Variants in LUZP2 observed in about 807,000 individuals in gnomAD.
LUZP2 encodes leucine zipper protein 2.
A neutral mutation model predicts 51.6 loss-of-function variants in LUZP2; 52 were observed. That is an observed-to-expected ratio of 1.01 (90% CI 0.81 to 1.27). The LOEUF (loss-of-function observed/expected upper bound fraction) is 1.27, where lower values mean the gene tolerates loss of function less well. LUZP2 is among the 50% of genes most tolerant of loss of function. The pLI, the probability that LUZP2 is intolerant of heterozygous loss-of-function variation, is 0.00. For synonymous variants in LUZP2, 154 were observed against 137.3 expected (o/e 1.12, Z -0.85); for missense variants, 436 against 395.4 (o/e 1.10, Z -0.87).
At chr11:24,819,022 G>A (rs1350195680) in intron 5 of LUZP2, among the ~76,000 whole-genome samples, 1 of 151,986 alleles carries the variant, frequency 6.6e-6, no homozygotes, top group African/African-American at 2.4e-5. Context: ...TTAATCTTAT[G>A]GTTAATGATA....
At chr11:24,509,980 T>G (rs2133773138) in intron 1 of LUZP2, among the ~76,000 whole-genome samples, 1 of 152,220 alleles carries the variant, frequency 6.6e-6, no homozygotes, top group South Asian at 2.1e-4. Context: ...TACCTGGCAT[T>G]TTTATAGTGT....
chr11:24,856,661 G>T (rs149418388), intron 5 of LUZP2, among the ~76,000 whole-genome samples: 1 of 152,024 alleles, frequency 6.6e-6, no homozygotes, highest in African/African-American at 2.4e-5. Context: ...CAATAGCAAA[G>T]ATATGGGTCA....
chr11:24,599,870 T>C (rs1853563530), intron 1 of LUZP2, among the ~76,000 whole-genome samples: 1 of 152,180 alleles, frequency 6.6e-6, no homozygotes, highest in South Asian at 2.1e-4. Context: ...ATTGCAATTT[T>C]TCACGACTCA....
chr11:25,021,715 T>G (rs998526279), intron 9 of LUZP2, among the ~76,000 whole-genome samples: 1 of 152,038 alleles, frequency 6.6e-6, no homozygotes, highest in Admixed American at 6.6e-5. Flanking sequence ...AAGAGTATCA[T>G]GATCAGCTTT....
intron 1 of LUZP2, among the ~76,000 whole-genome samples, chr11:24,616,123 A>G (rs1854277909): frequency 6.6e-6 from 1 of 151,166 alleles, no homozygotes; most frequent in Non-Finnish European, 1.5e-5. Context: ...ATATAGTTTC[A>G]CCCTTATATA....
At chr11:25,045,738 A>T (rs935709109) in intron 9 of LUZP2, among the ~76,000 whole-genome samples, 1 of 152,166 alleles carries the variant, frequency 6.6e-6, no homozygotes, top group East Asian at 1.9e-4. Flanking sequence ...TTGAGCTTTC[A>T]TAACTGGTTG....
At chr11:24,800,692 T>G (rs1310060227) in intron 5 of LUZP2, among the ~76,000 whole-genome samples, 3 of 152,036 alleles carry the variant, frequency 2.0e-5, no homozygotes, top group Admixed American at 6.6e-5. Flanking sequence ...TGGACAAAAT[T>G]TTTTCTCTGG....
intron 1 of LUZP2, among the ~76,000 whole-genome samples, chr11:24,675,998 T>C (rs9705232): frequency 0.19 from 28,425 of 151,648 alleles, 2,757 homozygotes; most frequent in East Asian, 0.32. Context: ...TTTGTATTTT[T>C]AGTAGAGACG....
intron 9 of LUZP2, among the ~76,000 whole-genome samples, chr11:25,043,972 A>G (rs1858166173): frequency 6.9e-6 from 1 of 145,688 alleles, no homozygotes; most frequent in Non-Finnish European, 1.5e-5. Flanking sequence ...GTCCATATAT[A>G]TCTGATATAT....
intron 10 of LUZP2, 141 bp from the exon 11 acceptor site, chr11:25,077,188 G>T (rs1859333642): frequency 3.1e-6 from 2 of 653,182 alleles, no homozygotes; most frequent in Non-Finnish European, 5.6e-6. Flanking sequence ...GATTATTTTT[G>T]TCCCTAGCTT....
In LUZP2 at chr11:25,044,255, GTGTATATATATATA is replaced by G. The variant is rs768286596; in HGVS notation, c.766-5781_766-5768del. Among the ~76,000 whole-genome samples, 734 of 42,350 alleles carry G rather than the reference GTGTATATATATATA, an allele frequency of 0.017. 25 individuals are homozygous for G. In the East Asian group the frequency reaches 0.19, roughly 11 times the overall value. 27.8% of individuals were successfully genotyped at this position (42,350 alleles called of 152,430 possible). A position where few individuals can be genotyped will look rare whatever the true frequency, so the allele number is the denominator to read the frequency against. Reference sequence around the variant, plus strand: ...TGTGTATGTGTGTGTGTGTGTGTGTGTGTATATATATATATATATATATATATATATATATAGTC... The same window carrying G: ...TGTGTATGTGTGTGTGTGTGTGTGTGTATATATATATATATATATATAGTC... On this transcript the variant is annotated intron_variant, in intron 9 of 11. Transcript: ENST00000336930.
intron 1 of LUZP2, among the ~76,000 whole-genome samples, chr11:24,500,602 G>C (rs1416313913): frequency 6.6e-6 from 1 of 152,154 alleles, no homozygotes; most frequent in Non-Finnish European, 1.5e-5. Flanking sequence ...GCTGGAGAAG[G>C]CTCATGCTTT....
rs147567085 is a variant in LUZP2, at chr11:24,828,673, C to T, written c.396+65365C>T. Among the ~76,000 whole-genome samples the T allele has an allele frequency of 6.4e-3, 966 of 151,850 alleles. 8 individuals carry two copies. The highest frequency in any genetic ancestry group is 0.037 in the Middle Eastern group (11 of 294). On this transcript the variant is annotated intron_variant, in intron 5 of 11. Transcript: ENST00000336930. ...CCTGCGTGAATAACAAGGCAAAATTCGAAACTGTGATGTCTCAGTGCTGTC... is the reference window on the plus strand; with the variant it reads ...CCTGCGTGAATAACAAGGCAAAATTTGAAACTGTGATGTCTCAGTGCTGTC...
At chr11:24,758,729 G>A (rs1859865090) in intron 4 of LUZP2, among the ~76,000 whole-genome samples, 3 of 151,978 alleles carry the variant, frequency 2.0e-5, no homozygotes, top group Admixed American at 2.0e-4. Flanking sequence ...ATAATCTTAT[G>A]TATTGTCCTT....
At chr11:24,713,556 A>G (rs1004768873) in intron 1 of LUZP2, among the ~76,000 whole-genome samples, 1 of 151,962 alleles carries the variant, frequency 6.6e-6, no homozygotes, top group Non-Finnish European at 1.5e-5. Flanking sequence ...AAAAGTTAAT[A>G]CAGGCCAGAC....
chr11:24,639,661 G>T (rs762144418), intron 1 of LUZP2, among the ~76,000 whole-genome samples: 18 of 151,820 alleles, frequency 1.2e-4, no homozygotes, highest in African/African-American at 3.9e-4. Flanking sequence ...ACGTTGGTCA[G>T]GCTGGTCTCT....
chr11:24,798,751 C>T (rs1380252617), intron 5 of LUZP2, among the ~76,000 whole-genome samples: 1 of 152,016 alleles, frequency 6.6e-6, no homozygotes, highest in Non-Finnish European at 1.5e-5. Flanking sequence ...GAAGGGATTC[C>T]CTAGAGCCTG....
intron 4 of LUZP2, among the ~76,000 whole-genome samples, chr11:24,745,098 A>G (rs1305106819): frequency 6.6e-6 from 1 of 152,110 alleles, no homozygotes. Flanking sequence ...CAATTTGTTT[A>G]AACTTATTGA....
intron 1 of LUZP2, among the ~76,000 whole-genome samples, chr11:24,628,842 A>T (rs1854777493): frequency 6.6e-6 from 1 of 152,142 alleles, no homozygotes; most frequent in African/African-American, 2.4e-5. Flanking sequence ...TACAGGCATG[A>T]GGCCTCTTGC....
Sources: allele counts gnomAD v4.1 joint callset (sites outside exome capture counted in the v4.1 genomes callset), GRCh38; gene constraint gnomAD v4.1.1; transcripts MANE v1.5; gene names NCBI Gene and HGNC (gene_info 2026-07-23, HGNC 2026-07-21).